The following IRAK3 variants were observed in gnomAD, a reference collection of about 807,000 sequenced individuals.
IRAK3 encodes interleukin-1 receptor-associated kinase 3.
A neutral mutation model predicts 56.6 loss-of-function variants in IRAK3; 57 were observed. The observed-to-expected ratio is 1.01, with a 90% confidence interval of 0.81 to 1.26. The LOEUF (loss-of-function observed/expected upper bound fraction) is 1.26. IRAK3 is among the 50% of genes most tolerant of loss of function. The pLI, the probability that IRAK3 is intolerant of heterozygous loss-of-function variation, is 0.00. For synonymous variants in IRAK3, 258 were observed against 255.7 expected (o/e 1.01, Z -0.09); for missense variants, 703 against 719.0 (o/e 0.98, Z 0.25).
At chr12:66,226,896 G>A in intron 7 of IRAK3, 59 bp downstream of exon 7, 2 of 1,044,476 alleles carry the variant, frequency 1.9e-6, no homozygotes, top group Non-Finnish European at 3.0e-6. Flanking sequence ...TGGGAGAGCT[G>A]CTGAAACCGT....
At chr12:66,209,047 T>C (rs143400421) in intron 2 of IRAK3, among the ~76,000 whole-genome samples, 20 of 139,360 alleles carry the variant, frequency 1.4e-4, no homozygotes, top group Middle Eastern at 3.9e-3. Context: ...TACTACAGCC[T>C]GGGCGAGAGT....
At chr12:66,225,586 A>G (rs1362626092) in intron 6 of IRAK3, among the ~76,000 whole-genome samples, 1 of 152,164 alleles carries the variant, frequency 6.6e-6, no homozygotes, top group Non-Finnish European at 1.5e-5. Context: ...CCTGCCCAGA[A>G]CATAGTAGAT....
intron 5 of IRAK3, among the ~76,000 whole-genome samples, chr12:66,214,617 G>A (rs1244903270): frequency 6.6e-6 from 1 of 152,032 alleles, no homozygotes; most frequent in Non-Finnish European, 1.5e-5. Flanking sequence ...TTTCAGATGT[G>A]CAAACCAAGA....
chr12:66,242,219 A>G (rs535667196), intron 8 of IRAK3, among the ~76,000 whole-genome samples: 1 of 152,246 alleles, frequency 6.6e-6, no homozygotes, highest in South Asian at 2.1e-4. Flanking sequence ...GGTCCTGGCA[A>G]TGAAGGTTGG....
At chr12:66,235,541 C>G (rs1000627962) in intron 8 of IRAK3, among the ~76,000 whole-genome samples, 1 of 151,916 alleles carries the variant, frequency 6.6e-6, no homozygotes, top group African/African-American at 2.4e-5. Context: ...CTCTGCGTGC[C>G]ATGGACGGGA....
At chr12:66,232,105 A>G (rs2052850084) in intron 8 of IRAK3, among the ~76,000 whole-genome samples, 1 of 152,228 alleles carries the variant, frequency 6.6e-6, no homozygotes, top group African/African-American at 2.4e-5. Context: ...TCTGATCAGA[A>G]ACAAGAATAT....
chr12:66,215,217 T>C (rs1323184690), intron 5 of IRAK3, among the ~76,000 whole-genome samples: 2 of 152,120 alleles, frequency 1.3e-5, no homozygotes, highest in Admixed American at 6.6e-5. Flanking sequence ...CATTGTCTTA[T>C]GGTTGAGCCT....
chr12:66,224,351 TTGGGAG>T (rs2052765313), intron 6 of IRAK3, among the ~76,000 whole-genome samples: 1 of 152,176 alleles, frequency 6.6e-6, no homozygotes, highest in Non-Finnish European at 1.5e-5. Context: ...AGAAATGGGA[TTGGGAG>T]AGAAGCCCCT....
chr12:66,238,313 C>T (rs963788117), intron 8 of IRAK3, among the ~76,000 whole-genome samples: 10 of 152,170 alleles, frequency 6.6e-5, no homozygotes, highest in African/African-American at 2.4e-4. Context: ...CTGGCATCAA[C>T]GCCTGCTGAA....
At position 66,203,758 on chromosome 12, in the gene IRAK3, T is replaced by C; in HGVS notation, c.181T>C (p.Tyr61His). Residue 61 changes from tyrosine to histidine, a missense_variant, in exon 2 of 12, where the codon TAT becomes CAT. Transcript: ENST00000261233. ...SWLDVRHIEK[Y>H]VDQGKSGTRE... ...GCTGGATGTTCGTCATATTGAAAAG[T>C]ATGTAGACCAAGGTAAAAGTGGAAC... 6.2e-7 allele frequency: 1 copy of C among 1,614,050 alleles called. No individual in the cohort carries two copies. Among genetic ancestry groups the C allele is most frequent in the Non-Finnish European group, 8.5e-7 (1 of 1,179,980 alleles).
rs191726388 is a variant in IRAK3 at position 66,215,234 on chromosome 12, C to A, written c.589-1937C>A. 2.2e-3 allele frequency among the ~76,000 whole-genome samples: 331 copies of A among 152,224 alleles called. 3 individuals are homozygous for A. The highest frequency in any genetic ancestry group is 7.8e-3 in the African/African-American group (322 of 41,534). On this transcript the variant is annotated intron_variant, in intron 5 of 11. Coordinates refer to ENST00000261233, the MANE Select transcript of IRAK3 (RefSeq NM_007199.3). Reference sequence around the variant, plus strand: ...TTGTCTTATGGTTGAGCCTCAGGACCCCATCCCCAAAGGGTCCGTCCAGTC... The same window carrying A: ...TTGTCTTATGGTTGAGCCTCAGGACACCATCCCCAAAGGGTCCGTCCAGTC...
intron 2 of IRAK3, 124 bp from the exon 3 acceptor site, chr12:66,209,332 C>A: frequency 1.5e-6 from 1 of 680,338 alleles, no homozygotes; most frequent in Non-Finnish European, 2.7e-6. Context: ...CGTAATGTTG[C>A]ATGGGAATGA....
chr12:66,203,803 T>C lies in IRAK3; in HGVS notation c.226T>C (p.Trp76Arg), dbSNP rs1227813553. ...KSGTRELLWSWAQKNKTIGDL... is the reference protein window; with the variant it reads ...KSGTRELLWSRAQKNKTIGDL... ...TGGAACAAGAGAATTACTTTGGTCC[T>C]GGGCACAGAAAAACAAGACCATCGG... The change falls in exon 2 of 12, where the codon TGG (tryptophan) becomes CGG (arginine). Residue 76 changes from tryptophan to arginine, a missense_variant. Trp to Arg is a moderately radical substitution (Grantham distance 101). Coordinates refer to ENST00000261233, the MANE Select transcript of IRAK3 (RefSeq NM_007199.3). 4 of 1,613,894 alleles carry C rather than the reference T, an allele frequency of 2.5e-6. No homozygotes were observed. The African/African-American group carries it at 4.0e-5, about 16-fold the overall frequency.
At chr12:66,222,908 T>TG (rs1335199175) in intron 6 of IRAK3, among the ~76,000 whole-genome samples, 5 of 152,108 alleles carry the variant, frequency 3.3e-5, no homozygotes, top group African/African-American at 1.2e-4. Flanking sequence ...TTTAATCACC[T>TG]GGGTGCAGGC....
chr12:66,241,531 G>A lies in IRAK3; in HGVS notation c.888-2955G>A, dbSNP rs568197280. On this transcript the variant is annotated intron_variant, in intron 8 of 11. Transcript: ENST00000261233. ...CATTCTATTTAAGGTTGAAGCAGGG[G>A]AAAAGAATTAAGGTAGAAATTGATC... Among the ~76,000 whole-genome samples, 9 of 152,326 alleles carry A rather than the reference G, an allele frequency of 5.9e-5. No homozygotes were observed. The East Asian group carries it at 1.4e-3, about 23-fold the overall frequency.
chr12:66,247,960 G>T lies in IRAK3; in HGVS notation c.1580G>T (p.Arg527Ile). 6.2e-7 allele frequency: 1 copy of T among 1,612,716 alleles called. No individual in the cohort carries two copies. Among genetic ancestry groups the T allele is most frequent in the Non-Finnish European group, 8.5e-7 (1 of 1,179,550 alleles). ...TTGGACAAAAAGCCAGAGAGCAAGA[G>T]AAATGAGGAAGCTTGCAACATGCCC... ...LSLDKKPESKRNEEACNMPSS... is the reference protein window; with the variant it reads ...LSLDKKPESKINEEACNMPSS... The change falls in exon 12 of 12, where the codon AGA (arginine) becomes ATA (isoleucine). Residue 527 changes from arginine (R) to isoleucine (I), a missense_variant. Coordinates refer to ENST00000261233, the MANE Select transcript of IRAK3 (RefSeq NM_007199.3).
At chr12:66,228,902 G>C (rs1160910877) in intron 8 of IRAK3, among the ~76,000 whole-genome samples, 2 of 152,164 alleles carry the variant, frequency 1.3e-5, no homozygotes, top group Admixed American at 6.5e-5. Context: ...GCTAAGCTGG[G>C]ATGTTCGGTA....
intron 6 of IRAK3, among the ~76,000 whole-genome samples, chr12:66,220,493 C>T (rs1210132171): frequency 1.4e-5 from 2 of 147,884 alleles, no homozygotes; most frequent in Non-Finnish European, 3.0e-5. Context: ...GACGTGAATG[C>T]CTCTGGCTTT....
rs1042712879 is a variant in IRAK3 at position 66,189,253 on chromosome 12, C to T, written c.-47C>T. ...TGTGTAACGGCCTGTCGCAGGCGTG[C>T]AGGGACCTGGACTCCGCCTCGTCCC... is the stretch of plus-strand genomic sequence containing the variant. On this transcript the variant is annotated 5_prime_UTR_variant, in exon 1 of 12. Coordinates refer to ENST00000261233, the MANE Select transcript of IRAK3 (RefSeq NM_007199.3). The T allele has an allele frequency of 1.3e-5, 20 of 1,532,150 alleles. No homozygotes were observed. Among genetic ancestry groups the T allele is most frequent in the Admixed American group, 1.2e-4 (6 of 50,958 alleles). The allele number at this position is 1,532,150 out of a possible 1,614,324, so 94.9% of individuals were successfully genotyped here.
Sources: allele counts gnomAD v4.1 joint callset (sites outside exome capture counted in the v4.1 genomes callset), GRCh38; gene constraint gnomAD v4.1.1; transcripts MANE v1.5; gene names NCBI Gene and HGNC (gene_info 2026-07-23, HGNC 2026-07-21).